PPIL3: variants seen among roughly 807,000 people sequenced by gnomAD.
The protein encoded by PPIL3 is peptidylprolyl isomerase like 3, also known as peptidyl-prolyl cis-trans isomerase-like 3.
In PPIL3, 13 loss-of-function variants were observed where a neutral mutation model predicts 20.9. The observed-to-expected ratio is 0.62, with a 90% confidence interval of 0.40 to 0.99. PPIL3 has a LOEUF of 0.99. PPIL3 is among the 50% of genes least tolerant of loss of function. The pLI is 0.00. For missense variants in PPIL3, 170 were observed against 195.2 expected (o/e 0.87, Z 0.77); for synonymous variants, 71 against 64.4 (o/e 1.10, Z -0.49).
intron 6 of PPIL3, among the ~76,000 whole-genome samples, chr2:200,872,310 G>A (rs755813031): frequency 2.6e-5 from 4 of 152,076 alleles, no homozygotes; most frequent in Non-Finnish European, 2.9e-5. Context: ...GGGGCACAGC[G>A]CTTCCATGCT....
At position 200,887,648 on chromosome 2, in the gene PPIL3, T is replaced by A. The variant is rs889886419; in HGVS notation, c.-33A>T. The A allele has an allele frequency of 2.4e-5, 39 of 1,592,858 alleles. No individual in the cohort carries two copies. Among genetic ancestry groups the A allele is most frequent in the Non-Finnish European group, 3.3e-5 (39 of 1,167,992 alleles). The stretch of plus-strand genomic sequence containing the variant: ...CTTAGTGGTTTCAGGAAGGACTACG[T>A]GATTTCTCAGTCTTACAGCGAGCTC... On this transcript the variant is annotated 5_prime_UTR_variant, in exon 2 of 7. Transcript: ENST00000392283.
chr2:200,884,732 C>A (rs1489721838), intron 3 of PPIL3, among the ~76,000 whole-genome samples: 1 of 149,790 alleles, frequency 6.7e-6, no homozygotes, highest in East Asian at 2.0e-4. Flanking sequence ...AGAGCAAGAC[C>A]CTGTCTCAAA....
intron 3 of PPIL3, 63 bp downstream of exon 3, chr2:200,885,635 C>A: frequency 9.5e-7 from 1 of 1,055,878 alleles, no homozygotes; most frequent in South Asian, 1.4e-5. Flanking sequence ...TTAGATTATT[C>A]AATTCCAAAG....
intron 6 of PPIL3, among the ~76,000 whole-genome samples, chr2:200,876,147 T>TG (rs1407548837): frequency 2.0e-5 from 3 of 151,548 alleles, no homozygotes; most frequent in South Asian, 4.2e-4. Context: ...TTTTTTGTTT[T>TG]TTTTTTTTTT....
At chr2:200,888,167 CTCT>C (rs2040036877) in intron 1 of PPIL3, 3 of 152,208 alleles carry the variant, frequency 2.0e-5, no homozygotes, top group South Asian at 4.1e-4. Flanking sequence ...GCCCGGCTTG[CTCT>C]TCTTCAAGAG....
At chr2:200,883,388 T>G (rs530390460) in intron 3 of PPIL3, among the ~76,000 whole-genome samples, 1 of 152,242 alleles carries the variant, frequency 6.6e-6, no homozygotes, top group East Asian at 1.9e-4. Context: ...TGGCTACACC[T>G]GCCCTCACCT....
At chr2:200,879,321 G>A (rs1477480352) in intron 5 of PPIL3, among the ~76,000 whole-genome samples, 1 of 151,938 alleles carries the variant, frequency 6.6e-6, no homozygotes, top group African/African-American at 2.4e-5. Flanking sequence ...GGGTTTCACT[G>A]TGTTAGCCAG....
intron 4 of PPIL3, among the ~76,000 whole-genome samples, chr2:200,882,117 T>C (rs1364518030): frequency 6.6e-6 from 1 of 152,218 alleles, no homozygotes; most frequent in Non-Finnish European, 1.5e-5. Context: ...GAATAGCTAA[T>C]GCATGCTGGG....
intron 3 of PPIL3, chr2:200,885,497 A>G: frequency 1.9e-6 from 1 of 519,562 alleles, no homozygotes; most frequent in East Asian, 3.4e-5. Context: ...TCGTTACCGA[A>G]AAATTATCTA....
rs1575088594 is a variant in PPIL3, at chr2:200,871,296, G to A, written c.*99C>T. The A allele has an allele frequency of 1.5e-6, 2 of 1,290,568 alleles. No individual in the cohort carries two copies. Among genetic ancestry groups the A allele is most frequent in the East Asian group, 2.4e-5 (1 of 41,796 alleles). 79.9% of individuals were successfully genotyped at this position (1,290,568 alleles called of 1,614,324 possible). A position where few individuals can be genotyped will look rare whatever the true frequency, so the allele number is the denominator to read the frequency against. On this transcript the variant is annotated 3_prime_UTR_variant, in exon 7 of 7. Transcript: ENST00000392283. ...CATAGAAGATCATAGTTGTAAACAA[G>A]CAGAAGGATGATGCAATCTCTGACA...
intron 3 of PPIL3, 160 bp downstream of exon 3, chr2:200,885,538 C>A (rs2124834094): frequency 3.3e-6 from 2 of 599,586 alleles, no homozygotes; most frequent in Admixed American, 6.9e-5. Context: ...TGACATTGGA[C>A]AAATAAGTGG....
At chr2:200,884,687 C>T (rs1356314157) in intron 3 of PPIL3, among the ~76,000 whole-genome samples, 3 of 151,922 alleles carry the variant, frequency 2.0e-5, no homozygotes, top group Non-Finnish European at 4.4e-5. Context: ...CTGCAATGAG[C>T]CGTGATTGCA....
chr2:200,872,130 T>TTC (rs1187644113), intron 6 of PPIL3, among the ~76,000 whole-genome samples: 1 of 152,162 alleles, frequency 6.6e-6, no homozygotes, highest in Non-Finnish European at 1.5e-5. Context: ...ACTATCTGAC[T>TTC]AACCATGATA....
At chr2:200,881,890 G>T (rs565262006) in intron 4 of PPIL3, 2 of 215,282 alleles carry the variant, frequency 9.3e-6, no homozygotes, top group South Asian at 1.7e-4. Context: ...GTAATACTAT[G>T]CAGCCATAAA....
chr2:200,885,059 C>G (rs1322755128), intron 3 of PPIL3: 2 of 140,164 alleles, frequency 1.4e-5, no homozygotes, highest in Non-Finnish European at 1.5e-5. Flanking sequence ...GAGCAAGACT[C>G]CGTCTTGAGA....
chr2:200,871,405 A>T lies in PPIL3; in HGVS notation c.476T>A (p.Phe159Tyr). Residue 159 changes from phenylalanine (F) to tyrosine (Y), a missense_variant, in exon 7 of 7, where the codon TTT (phenylalanine) becomes TAT (tyrosine). By Grantham distance (22) the Phe-to-Tyr change is conservative. Transcript: ENST00000392283. ...CCAGGTCTATCATAGCTACTGAGCA[A>T]ATGGGTTGGCATGAATAGTTATGTC... is the stretch of plus-strand genomic sequence containing the variant. ...IKDITIHANP[F>Y]AQ The T allele has an allele frequency of 6.2e-7, 1 of 1,611,024 alleles. No individual in the cohort carries two copies. Among genetic ancestry groups the T allele is most frequent in the Non-Finnish European group, 8.5e-7 (1 of 1,178,202 alleles).
At chr2:200,883,112 CTTTTTTT>C (rs1289951586) in intron 3 of PPIL3, among the ~76,000 whole-genome samples, 5 of 108,820 alleles carry the variant, frequency 4.6e-5, no homozygotes, top group South Asian at 3.2e-4. Flanking sequence ...CTGGAATGTT[CTTTTTTT>C]TTTTTTTTTT....
chr2:200,885,252 T>C (rs145878905), intron 3 of PPIL3: 15,784 of 306,008 alleles, frequency 0.052, 565 homozygotes, highest in South Asian at 0.088. Context: ...ACGCCTGTAA[T>C]CCCACTTACT....
chr2:200,878,194 G>A (rs1162481779), intron 5 of PPIL3, among the ~76,000 whole-genome samples: 1 of 152,058 alleles, frequency 6.6e-6, no homozygotes, highest in Middle Eastern at 3.2e-3. Flanking sequence ...AAAAATGTAA[G>A]TTAATAAAAT....
Sources: allele counts gnomAD v4.1 joint callset (sites outside exome capture counted in the v4.1 genomes callset), GRCh38; gene constraint gnomAD v4.1.1; transcripts MANE v1.5; gene names NCBI Gene and HGNC (gene_info 2026-07-23, HGNC 2026-07-21).